Variants in ANK3 observed in about 807,000 individuals in gnomAD.
The protein encoded by ANK3 is ankyrin-3.
ANK3 carries 57 observed loss-of-function variants against 370.9 expected under a neutral mutation model. The ratio of observed to expected loss-of-function variants is 0.15; its 90% CI spans 0.12 to 0.19. ANK3 has a LOEUF of 0.19. Ranked by LOEUF, ANK3 falls within the 10% of genes least tolerant of loss-of-function variation. The probability of loss-of-function intolerance (pLI) is 1.00; values close to 1 mark genes in which losing one functional copy is unlikely to be tolerated. For synonymous variants in ANK3, 1,929 were observed against 1,946.3 expected (o/e 0.99, Z 0.23); for missense variants, 4,439 against 5,302.1 (o/e 0.84, Z 5.06).
chr10:60,134,758 G>A (rs1219526593), intron 24 of ANK3, among the ~76,000 whole-genome samples: 3 of 152,108 alleles, frequency 2.0e-5, no homozygotes, highest in Admixed American at 6.5e-5. Flanking sequence ...CTTGACATGC[G>A]CTACTGATAA....
chr10:60,625,164 C>T (rs541209214), intron 1 of ANK3, among the ~76,000 whole-genome samples: 87 of 152,044 alleles, frequency 5.7e-4, no homozygotes, highest in African/African-American at 2.0e-3. Context: ...AGCTACTCTG[C>T]CAAGAGAGGG....
At chr10:60,490,516 C>A (rs1187991728) in intron 2 of ANK3, among the ~76,000 whole-genome samples, 1 of 152,086 alleles carries the variant, frequency 6.6e-6, no homozygotes, top group African/African-American at 2.4e-5. Context: ...ACATCATGAC[C>A]AACCAGCCAT....
chr10:60,361,364 C>A lies in ANK3; in HGVS notation c.114+28061G>T, dbSNP rs186721808. Among the ~76,000 whole-genome samples, 200 of 152,200 alleles carry A rather than the reference C, an allele frequency of 1.3e-3. 1 individual carries two copies. The highest frequency in any genetic ancestry group is 4.7e-3 in the African/African-American group (194 of 41,534). ...TGTATTTGTGGTTAACAGTAATAGT[C>A]CTTTGATACACTAGAATTTCAAAGT... On this transcript the variant is annotated intron_variant, in intron 1 of 43. Coordinates refer to ENST00000280772, the MANE Select transcript of ANK3 (RefSeq NM_020987.5).
At chr10:60,397,696 T>C (rs773709436) in intron 2 of ANK3, among the ~76,000 whole-genome samples, 16 of 152,198 alleles carry the variant, frequency 1.1e-4, no homozygotes, top group Non-Finnish European at 2.1e-4. Flanking sequence ...TCAGACTAAT[T>C]GAGTTTCATG....
intron 1 of ANK3, among the ~76,000 whole-genome samples, chr10:60,675,848 A>T (rs879454556): frequency 3.9e-5 from 6 of 152,214 alleles, no homozygotes; most frequent in Non-Finnish European, 8.8e-5. Context: ...GCAAAGGTCA[A>T]TTCACCGTCA....
intron 23 of ANK3, chr10:60,140,678 T>C: frequency 1.6e-6 from 2 of 1,282,546 alleles, no homozygotes; most frequent in Non-Finnish European, 2.0e-6. Flanking sequence ...TTAAAGCTCC[T>C]TCTGATTGGA....
chr10:60,733,283 C>A lies in ANK3; in HGVS notation c.37G>T (p.Glu13Ter), dbSNP rs929480635. Residue 13 changes from glutamate to a stop codon, truncating the protein, a stop_gained, in exon 1 of 44, where the codon GAG (glutamate) becomes TAG (stop). Transcript: ENST00000373827. LOFTEE classifies it high-confidence loss of function. ...CTCACCTGGGCAGGAGCGGAGTCCT[C>A]GGTGCCCGCGGGAGAGGAGGAGGCG... 6 of 1,237,856 alleles carry A rather than the reference C, an allele frequency of 4.8e-6. No homozygotes were observed. In the African/African-American group the frequency reaches 6.2e-5, roughly 13 times the overall value. 76.7% of individuals were successfully genotyped at this position (1,237,856 alleles called of 1,614,324 possible).
intron 1 of ANK3, among the ~76,000 whole-genome samples, chr10:60,383,973 A>T (rs530685649): frequency 2.0e-5 from 3 of 152,210 alleles, no homozygotes; most frequent in African/African-American, 7.2e-5. Flanking sequence ...GACTGCTAGC[A>T]TCTCATTACA....
At chr10:60,200,049 T>C (rs560475313) in intron 13 of ANK3, 80 bp downstream of exon 13, 1 of 1,001,844 alleles carries the variant, frequency 1.0e-6, no homozygotes, top group Admixed American at 2.1e-5. Context: ...CTTGAAAGAC[T>C]GCATGTATAT....
intron 1 of ANK3, among the ~76,000 whole-genome samples, chr10:60,289,450 C>T (rs1189935189): frequency 6.6e-6 from 1 of 151,934 alleles, no homozygotes; most frequent in Non-Finnish European, 1.5e-5. Flanking sequence ...CTCACTCTCG[C>T]ACCCAGGCTG....
At chr10:60,109,420 T>A (rs2092507045) in intron 26 of ANK3, among the ~76,000 whole-genome samples, 2 of 152,222 alleles carry the variant, frequency 1.3e-5, no homozygotes, top group South Asian at 4.1e-4. Flanking sequence ...AAAGGTCATT[T>A]TAACTATAAG....
intron 1 of ANK3, among the ~76,000 whole-genome samples, chr10:60,723,944 C>T (rs2079900442): frequency 6.6e-6 from 1 of 151,764 alleles, no homozygotes; most frequent in African/African-American, 2.4e-5. Flanking sequence ...GGCGCGGTGG[C>T]TCACGCCTGT....
chr10:60,195,128 C>T (rs1281719741), intron 16 of ANK3, among the ~76,000 whole-genome samples: 1 of 152,108 alleles, frequency 6.6e-6, no homozygotes, highest in African/African-American at 2.4e-5. Context: ...TGTGTCACGC[C>T]TGTAATTCCA....
intron 2 of ANK3, chr10:60,572,894 G>A: frequency 9.8e-7 from 1 of 1,022,748 alleles, no homozygotes; most frequent in Non-Finnish European, 1.2e-6. Context: ...TGGTGAGAGA[G>A]AGAGAAAGAG....
intron 2 of ANK3, among the ~76,000 whole-genome samples, chr10:60,610,936 G>A (rs2078192796): frequency 6.6e-6 from 1 of 152,126 alleles, no homozygotes; most frequent in African/African-American, 2.4e-5. Flanking sequence ...TGCATCTTTC[G>A]GTCTGCCAAA....
At chr10:60,390,660 A>C (rs966660056), upstream of ANK3, among the ~76,000 whole-genome samples, 44 of 151,950 alleles carry the variant, frequency 2.9e-4, no homozygotes, top group African/African-American at 9.7e-4. Flanking sequence ...ATTCACAGTA[A>C]GCGCTTTAGC....
intron 7 of ANK3, among the ~76,000 whole-genome samples, chr10:60,250,845 C>T (rs2097652266): frequency 6.6e-6 from 1 of 152,190 alleles, no homozygotes; most frequent in Non-Finnish European, 1.5e-5. Context: ...ATTTATCTCA[C>T]AAGCCTGGCC....
Position 60,121,570 on chromosome 10 carries a change from T to C in ANK3, c.2842-7239A>G, listed in dbSNP as rs143110218. ...AGCCAAGCGTGGTGGTGTGTGCCTG[T>C]AGTCCCAGCTACTTGGAAGGCTGAG... is the stretch of plus-strand genomic sequence containing the variant. On this transcript the variant is annotated intron_variant, in intron 25 of 43. Coordinates refer to ENST00000280772, the MANE Select transcript of ANK3 (RefSeq NM_020987.5). Among the ~76,000 whole-genome samples, 1,481 of 151,794 alleles carry C rather than the reference T, an allele frequency of 9.8e-3. 90 individuals carry two copies. Among genetic ancestry groups the C allele is most frequent in the Admixed American group, 0.078 (1,187 of 15,192 alleles).
intron 7 of ANK3, 77 bp from the exon 8 acceptor site, chr10:60,234,863 A>T: frequency 1.2e-6 from 1 of 845,524 alleles, no homozygotes; most frequent in Non-Finnish European, 2.0e-6. Context: ...TTCCCCCAAC[A>T]TATCCCCATT....
Sources: allele counts gnomAD v4.1 joint callset (sites outside exome capture counted in the v4.1 genomes callset), GRCh38; gene constraint gnomAD v4.1.1; transcripts MANE v1.5; gene names NCBI Gene and HGNC (gene_info 2026-07-23, HGNC 2026-07-21).